LRRIQ3: variants seen among roughly 807,000 people sequenced by gnomAD.
LRRIQ3 encodes the protein leucine-rich repeat and IQ domain-containing protein 3.
Under a neutral mutation model 59.3 loss-of-function variants are expected in LRRIQ3, and 75 were observed. The ratio of observed to expected loss-of-function variants is 1.26; its 90% confidence interval spans 1.05 to 1.53. The LOEUF is 1.53. Among genes scored for constraint, LRRIQ3 ranks in the 40% most tolerant of loss-of-function variants. The pLI is 0.00. For missense variants in LRRIQ3, 831 were observed against 710.0 expected (o/e 1.17, Z -1.94); for synonymous variants, 250 against 231.3 (o/e 1.08, Z -0.73).
chr1:74,114,977 A>T (rs1030062933), intron 4 of LRRIQ3, among the ~76,000 whole-genome samples: 7 of 151,878 alleles, frequency 4.6e-5, no homozygotes, highest in Non-Finnish European at 1.0e-4. Context: ...CATGGCTCCT[A>T]TTTTAAATAT....
Position 74,198,018 on chromosome 1 carries a change from CTTATG to C in LRRIQ3, c.-28_-24del, listed in dbSNP as rs978757110. ...CACCGGGTCAACTGGGCTGCAAGCC[CTTATG>C]AGTTGGAGACAAGTGGCCCAGCCCC... On this transcript the variant is annotated 5_prime_UTR_variant, in exon 1 of 8. It removes the in-frame stop codon of an upstream open reading frame in the 5' UTR. Coordinates refer to ENST00000354431, the MANE Select transcript of LRRIQ3 (RefSeq NM_001105659.2). 3.4e-5 allele frequency: 22 copies of C among 639,608 alleles called. No homozygotes were observed. Among genetic ancestry groups the C allele is most frequent in the African/African-American group, 2.7e-4 (15 of 54,834 alleles). The allele number at this position is 639,608 out of a possible 1,614,324, so 39.6% of individuals were successfully genotyped here.
At chr1:74,060,360 CTCCTCCTCCTCATCCTCT>C (rs1570047863) in intron 6 of LRRIQ3, among the ~76,000 whole-genome samples, 2 of 149,954 alleles carry the variant, frequency 1.3e-5, no homozygotes, top group East Asian at 3.9e-4. Context: ...CTTCTTCTTC[CTCCTCCTCCTCATCCTCT>C]TCCTCCTCCT....
Position 74,062,915 on chromosome 1 carries a change from T to C in LRRIQ3, c.997+11746A>G, listed in dbSNP as rs575040711. Among the ~76,000 whole-genome samples the C allele has an allele frequency of 2.6e-5, 4 of 152,122 alleles. No homozygotes were observed. In the East Asian group the frequency reaches 7.7e-4, roughly 29 times the overall value. On this transcript the variant is annotated intron_variant, in intron 6 of 7. Coordinates refer to ENST00000354431, the MANE Select transcript of LRRIQ3 (RefSeq NM_001105659.2). ...ATTACCTGGGTGAGGAAATAATCTGTACACCAAACCCATATAACATACAAT... is the reference window on the plus strand; with the variant it reads ...ATTACCTGGGTGAGGAAATAATCTGCACACCAAACCCATATAACATACAAT...
intron 7 of LRRIQ3, among the ~76,000 whole-genome samples, chr1:74,035,908 TCTC>T (rs1183654428): frequency 3.9e-5 from 6 of 152,112 alleles, no homozygotes; most frequent in Non-Finnish European, 8.8e-5. Flanking sequence ...ACTATAATGG[TCTC>T]CTCTCACCTC....
At chr1:74,150,997 T>C (rs554636036) in intron 4 of LRRIQ3, among the ~76,000 whole-genome samples, 53 of 150,416 alleles carry the variant, frequency 3.5e-4, no homozygotes, top group South Asian at 2.3e-3. Flanking sequence ...GAAATAGTTA[T>C]TGAATGATGC....
At position 74,124,882 on chromosome 1, in the gene LRRIQ3, C is replaced by G. The variant is rs550978563; in HGVS notation, c.708-15329G>C. Among the ~76,000 whole-genome samples, 4 of 151,916 alleles carry G rather than the reference C, an allele frequency of 2.6e-5. No individual in the cohort carries two copies. The East Asian group carries it at 5.8e-4, about 22-fold the overall frequency. ...CATAAAAATTTTAGGATTGTTTTCT[C>G]TATTTCTGTGAAGAATGTCATTGAT... On this transcript the variant is annotated intron_variant, in intron 4 of 7. Coordinates refer to ENST00000354431, the MANE Select transcript of LRRIQ3 (RefSeq NM_001105659.2).
chr1:74,057,544 T>C (rs1020566842), intron 6 of LRRIQ3, among the ~76,000 whole-genome samples: 15 of 152,102 alleles, frequency 9.9e-5, no homozygotes, highest in Admixed American at 1.3e-4. Flanking sequence ...AATATTCACA[T>C]GCAGAAGAAT....
In LRRIQ3 at chr1:74,116,141, C is replaced by T. The variant is rs189746860; in HGVS notation, c.708-6588G>A. ...AAACAGAAGAATTCTCCAATATAGA[C>T]GTTTTTCCACAGCAGAGTACCCAAT... is the stretch of plus-strand genomic sequence containing the variant. On this transcript the variant is annotated intron_variant, in intron 4 of 7. Coordinates refer to ENST00000354431, the MANE Select transcript of LRRIQ3 (RefSeq NM_001105659.2). 1.8e-4 allele frequency among the ~76,000 whole-genome samples: 27 copies of T among 152,030 alleles called. No homozygotes were observed. In the East Asian group the frequency reaches 4.5e-3, roughly 25 times the overall value.
chr1:74,051,485 T>C (rs995375837), intron 6 of LRRIQ3, among the ~76,000 whole-genome samples: 1 of 152,192 alleles, frequency 6.6e-6, no homozygotes, highest in Non-Finnish European at 1.5e-5. Flanking sequence ...GAGATATACT[T>C]AATATTCCAT....
At chr1:74,040,488 ATTC>A (rs1323864847) in intron 7 of LRRIQ3, among the ~76,000 whole-genome samples, 1 of 152,232 alleles carries the variant, frequency 6.6e-6, no homozygotes, top group African/African-American at 2.4e-5. Flanking sequence ...CAGAATATAC[ATTC>A]TTCTCAGTGC....
intron 6 of LRRIQ3, among the ~76,000 whole-genome samples, chr1:74,071,091 A>T (rs947532320): frequency 1.1e-4 from 17 of 151,288 alleles, no homozygotes; most frequent in African/African-American, 3.6e-4. Context: ...TTATAGTTAT[A>T]TATATATATA....
At chr1:74,196,706 C>T in intron 1 of LRRIQ3, among the ~76,000 whole-genome samples, 1 of 152,178 alleles carries the variant, frequency 6.6e-6, no homozygotes, top group Non-Finnish European at 1.5e-5. Flanking sequence ...CCCATTAATT[C>T]CATCAGCACA....
At chr1:74,157,058 C>T (rs891969851) in intron 3 of LRRIQ3, among the ~76,000 whole-genome samples, 3 of 152,002 alleles carry the variant, frequency 2.0e-5, no homozygotes, top group Non-Finnish European at 2.9e-5. Context: ...GTGCCGCTTC[C>T]GATTTATACT....
chr1:74,130,145 T>C (rs1646991481), intron 4 of LRRIQ3, among the ~76,000 whole-genome samples: 1 of 152,088 alleles, frequency 6.6e-6, no homozygotes, highest in African/African-American at 2.4e-5. Flanking sequence ...CCACTGACTC[T>C]GAGCCAGCCC....
chr1:74,121,918 A>C (rs996506816), intron 4 of LRRIQ3, among the ~76,000 whole-genome samples: 53 of 151,918 alleles, frequency 3.5e-4, no homozygotes, highest in Admixed American at 1.3e-3. Flanking sequence ...TGAACTCATC[A>C]TTTTTTATGG....
At chr1:74,086,847 C>T (rs887302634) in intron 5 of LRRIQ3, among the ~76,000 whole-genome samples, 5 of 151,990 alleles carry the variant, frequency 3.3e-5, no homozygotes, top group Non-Finnish European at 5.9e-5. Context: ...CCAAAACACC[C>T]ATAAACTCCT....
At chr1:74,192,640 G>T (rs1379434234) in intron 1 of LRRIQ3, among the ~76,000 whole-genome samples, 1 of 151,704 alleles carries the variant, frequency 6.6e-6, no homozygotes, top group South Asian at 2.1e-4. Context: ...ATTCACCTCT[G>T]CCAACAATAT....
intron 6 of LRRIQ3, among the ~76,000 whole-genome samples, chr1:74,062,025 GT>G (rs1004218511): frequency 1.3e-5 from 2 of 151,886 alleles, no homozygotes; most frequent in Non-Finnish European, 2.9e-5. Flanking sequence ...CAGAGTGAGA[GT>G]TTTTTTCAAA....
rs1025874920 is a variant in LRRIQ3 at position 74,080,168 on chromosome 1, C to A, written c.868-5378G>T. Among the ~76,000 whole-genome samples, 23 of 150,356 alleles carry A rather than the reference C, an allele frequency of 1.5e-4. 1 individual carries two copies. The highest frequency in any genetic ancestry group is 5.4e-4 in the African/African-American group (22 of 41,088). On this transcript the variant is annotated intron_variant, in intron 5 of 7. Transcript: ENST00000354431. ...TGTTCTGTTGATTCTATATCACACA[C>A]AAAAAAAACCAAAACAGCAATTAAA...
Sources: allele counts gnomAD v4.1 joint callset (sites outside exome capture counted in the v4.1 genomes callset), GRCh38; gene constraint gnomAD v4.1.1; transcripts MANE v1.5; gene names NCBI Gene and HGNC (gene_info 2026-07-23, HGNC 2026-07-21).